The following TNFRSF10A variants were observed in gnomAD, a reference collection of about 807,000 sequenced individuals.
The protein encoded by TNFRSF10A is tumor necrosis factor receptor superfamily member 10A.
TNFRSF10A carries 44 observed loss-of-function variants against 42.8 expected under a neutral mutation model. The observed-to-expected ratio is 1.03, with a 90% CI of 0.81 to 1.32. The LOEUF (loss-of-function observed/expected upper bound fraction) is 1.32. TNFRSF10A is among the 40% of genes most tolerant of loss of function. The pLI is 0.00. For missense variants in TNFRSF10A, 680 were observed against 602.0 expected, an observed-to-expected ratio of 1.13 and a Z score of -1.36; for synonymous variants, 259 against 234.2, an observed-to-expected ratio of 1.11 and a Z score of -0.97.
In TNFRSF10A at chr8:23,201,885, C is replaced by T. The variant is rs1416907003; in HGVS notation, c.552G>A (p.Arg184=). 2 of 1,614,196 alleles carry T rather than the reference C, an allele frequency of 1.2e-6. No homozygotes were observed. The highest frequency in any genetic ancestry group is 8.5e-7 in the Non-Finnish European group (1 of 1,180,040). ...EEERSPCTTT[R]NTACQCKPGT... is the part of the protein sequence containing the mutation. ...CTGGTTTGCACTGACATGCTGTGTT[C>T]CTGGTCGTGGTGCAGGGACTTCTCT... is the stretch of plus-strand genomic sequence containing the variant. Residue 184 remains arginine (R), a synonymous_variant, in exon 4 of 10, where the codon AGG becomes AGA. Coordinates refer to ENST00000221132, the MANE Select transcript of TNFRSF10A (RefSeq NM_003844.4).
intron 7 of TNFRSF10A, among the ~76,000 whole-genome samples, chr8:23,199,662 G>T (rs553755883): frequency 1.3e-5 from 2 of 152,262 alleles, no homozygotes; most frequent in Admixed American, 1.3e-4. Context: ...TGGGGTAAGG[G>T]TCTCACCTGG....
intron 1 of TNFRSF10A, among the ~76,000 whole-genome samples, chr8:23,213,857 A>G (rs1194730391): frequency 6.6e-6 from 1 of 152,156 alleles, no homozygotes; most frequent in African/African-American, 2.4e-5. Context: ...CTGCTTTCAT[A>G]TCCTGTAACT....
intron 2 of TNFRSF10A, among the ~76,000 whole-genome samples, chr8:23,204,448 A>C (rs751338404): frequency 3.3e-5 from 5 of 152,234 alleles, no homozygotes; most frequent in Admixed American, 6.5e-5. Flanking sequence ...TGAAAACCAC[A>C]CTGCAAAGCA....
intron 1 of TNFRSF10A, among the ~76,000 whole-genome samples, chr8:23,223,894 C>T (rs1412108255): frequency 6.6e-6 from 1 of 152,208 alleles, no homozygotes; most frequent in East Asian, 1.9e-4. Flanking sequence ...CTGCCCTGTA[C>T]CTGTTGATGC....
rs183955315 is a variant in TNFRSF10A at position 23,217,601 on chromosome 8, G to C, written c.307-5389C>G. 3.9e-4 allele frequency among the ~76,000 whole-genome samples: 60 copies of C among 152,254 alleles called. 1 individual carries two copies. The highest frequency in any genetic ancestry group is 3.5e-3 in the South Asian group (17 of 4,814). On this transcript the variant is annotated intron_variant, in intron 1 of 9. Transcript: ENST00000221132. Reference sequence around the variant, plus strand: ...GAAAACCTGACAACGAGCTCCTGGTGACTCTGGACCTGGACAGTGCTCAGC... The same window carrying C: ...GAAAACCTGACAACGAGCTCCTGGTCACTCTGGACCTGGACAGTGCTCAGC...
chr8:23,192,680 AAG>A (rs1348133208), intron 9 of TNFRSF10A, among the ~76,000 whole-genome samples: 1 of 152,214 alleles, frequency 6.6e-6, no homozygotes, highest in Non-Finnish European at 1.5e-5. Flanking sequence ...AGAACATAAA[AAG>A]AAAAAAGTGA....
At chr8:23,198,617 A>T (rs999476271) in intron 8 of TNFRSF10A, among the ~76,000 whole-genome samples, 6 of 151,940 alleles carry the variant, frequency 3.9e-5, no homozygotes, top group Non-Finnish European at 7.3e-5. Flanking sequence ...ATAGCAAAAA[A>T]AAGAAAAAAA....
rs750382921 is a variant in TNFRSF10A at position 23,201,808 on chromosome 8, C to A, written c.629G>T (p.Gly210Val). The A allele has an allele frequency of 1.9e-6, 3 of 1,613,164 alleles. No homozygotes were observed. The African/African-American group carries it at 4.0e-5, about 22-fold the overall frequency. ...SAEMCRKCSR[G>V]CPRGMVKVKD... is the part of the protein sequence containing the mutation. ...GGGAGCCCCTTGGCTGTTGTCTCAC[C>A]CTCTGCTGCACTTCCGGCACATCTC... Residue 210 changes from glycine (G) to valine (V), a missense_variant and splice_region_variant, in exon 4 of 10, where the codon GGG (glycine) becomes GTG (valine). Gly to Val is a moderately radical substitution (Grantham distance 109). Coordinates refer to ENST00000221132, the MANE Select transcript of TNFRSF10A (RefSeq NM_003844.4).
Position 23,191,008 on chromosome 8 carries a change from T to C in TNFRSF10A, c.*686A>G, listed in dbSNP as rs550507429. ...GATGGATTTGCTTTTCCTTTTTTTT[T>C]TGTTTTCTTCTATCTTGCTCCCCAG... On this transcript the variant is annotated 3_prime_UTR_variant, in exon 10 of 10. Coordinates refer to ENST00000221132, the MANE Select transcript of TNFRSF10A (RefSeq NM_003844.4). 1 of 152,320 alleles carries C rather than the reference T, an allele frequency of 6.6e-6. No individual in the cohort carries two copies. The highest frequency in any genetic ancestry group is 6.5e-5 in the Admixed American group (1 of 15,286). The allele number at this position is 152,320 out of a possible 1,614,324, so 9.4% of individuals were successfully genotyped here.
intron 1 of TNFRSF10A, among the ~76,000 whole-genome samples, chr8:23,224,095 G>A (rs1801295297): frequency 6.6e-6 from 1 of 152,020 alleles, no homozygotes; most frequent in Non-Finnish European, 1.5e-5. Context: ...GGGAGGCCGA[G>A]GCGGGCGGAT....
intron 8 of TNFRSF10A, 30 bp from the exon 9 acceptor site, chr8:23,197,234 C>T (rs1378539696): frequency 6.2e-7 from 1 of 1,613,896 alleles, no homozygotes; most frequent in South Asian, 1.1e-5. Flanking sequence ...ATGCCTTGGT[C>T]TGAGTCAGGG....
intron 6 of TNFRSF10A, 116 bp from the exon 7 acceptor site, chr8:23,200,033 C>T (rs1006021033): frequency 3.5e-5 from 46 of 1,328,400 alleles, no homozygotes; most frequent in Non-Finnish European, 4.1e-5. Flanking sequence ...CAAAGATCCC[C>T]GGGCCTGGGG....
chr8:23,192,162 C>G (rs1800764434), intron 9 of TNFRSF10A, 149 bp from the exon 10 acceptor site: 1 of 1,404,692 alleles, frequency 7.1e-7, no homozygotes, highest in Non-Finnish European at 9.4e-7. Context: ...CCACCCACCT[C>G]CCATCCACAG....
Position 23,191,802 on chromosome 8 carries a change from C to T in TNFRSF10A, c.1299G>A (p.Glu433=), listed in dbSNP as rs1254156857. The change falls in exon 10 of 10, where the codon GAG becomes GAA. Residue 433 remains glutamate, a synonymous_variant. Coordinates refer to ENST00000221132, the MANE Select transcript of TNFRSF10A (RefSeq NM_003844.4). ...CTCTTGCATGTCTCTCTTCCATCCT[C>T]TCCAAGGCATCCAGCAGGGTGTGGA... is the stretch of plus-strand genomic sequence containing the variant. ...ASIHTLLDAL[E]RMEERHAREK... is the part of the protein sequence containing the mutation. 1.9e-6 allele frequency: 3 copies of T among 1,614,004 alleles called. No individual in the cohort carries two copies. Among genetic ancestry groups the T allele is most frequent in the East Asian group, 2.2e-5 (1 of 44,886 alleles).
intron 4 of TNFRSF10A, 115 bp from the exon 5 acceptor site, chr8:23,200,875 T>C (rs769667157): frequency 1.4e-4 from 143 of 988,582 alleles, no homozygotes; most frequent in South Asian, 2.4e-4. Flanking sequence ...AGGGGAAGGA[T>C]AGTCTCCTCG....
chr8:23,198,397 G>T lies in TNFRSF10A; in HGVS notation c.1014+869C>A, dbSNP rs182478971. 1.1e-4 allele frequency among the ~76,000 whole-genome samples: 17 copies of T among 152,246 alleles called. 1 individual carries two copies. In the East Asian group the frequency reaches 2.1e-3, roughly 19 times the overall value. ...CAATGAAAAGGTAAAAGTATCTACA[G>T]ATTTCACTGGTTAAAAATTAAAGCT... On this transcript the variant is annotated intron_variant, in intron 8 of 9. Coordinates refer to ENST00000221132, the MANE Select transcript of TNFRSF10A (RefSeq NM_003844.4).
chr8:23,191,494 T>G lies in TNFRSF10A; in HGVS notation c.*200A>C. On this transcript the variant is annotated 3_prime_UTR_variant, in exon 10 of 10. Transcript: ENST00000221132. ...TTGTATTTTTTTGTAAAGACGGCAT[T>G]TCACGATGTTGGTCAGGCTGGTCTT... The G allele has an allele frequency of 1.5e-6, 1 of 680,514 alleles. No individual in the cohort carries two copies. The highest frequency in any genetic ancestry group is 2.2e-5 in the South Asian group (1 of 44,458). 42.2% of individuals were successfully genotyped at this position (680,514 alleles called of 1,614,324 possible).
At chr8:23,210,065 T>A (rs1801071915) in intron 2 of TNFRSF10A, among the ~76,000 whole-genome samples, 1 of 152,322 alleles carries the variant, frequency 6.6e-6, no homozygotes, top group East Asian at 1.9e-4. Flanking sequence ...ATGGTTATTA[T>A]AAGGTGGAGT....
At chr8:23,222,002 G>A (rs907734468) in intron 1 of TNFRSF10A, among the ~76,000 whole-genome samples, 14 of 151,680 alleles carry the variant, frequency 9.2e-5, no homozygotes, top group Admixed American at 6.6e-4. Context: ...TCAGCCTCCC[G>A]AGTAGCTGGG....
Sources: allele counts gnomAD v4.1 joint callset (sites outside exome capture counted in the v4.1 genomes callset), GRCh38; gene constraint gnomAD v4.1.1; transcripts MANE v1.5; gene names NCBI Gene and HGNC (gene_info 2026-07-23, HGNC 2026-07-21).